The following GREB1L variants were observed in gnomAD, a reference collection of about 807,000 sequenced individuals.
The protein encoded by GREB1L is GREB1 like retinoic acid receptor coactivator, also known as GREB1-like protein.
A neutral mutation model predicts 200.8 loss-of-function variants in GREB1L; 17 were observed. The observed-to-expected ratio is 0.08, with a 90% CI of 0.06 to 0.13. The LOEUF is 0.13. GREB1L is among the 10% of genes least tolerant of loss of function. The pLI is 1.00. For missense variants in GREB1L, 1,657 were observed against 2,367.7 expected (o/e 0.70, Z 6.23); for synonymous variants, 789 against 893.0 (o/e 0.88, Z 2.08).
intron 7 of GREB1L, among the ~76,000 whole-genome samples, chr18:21,428,316 GTTTTTGTC>G (rs1369657822): frequency 1.4e-5 from 2 of 138,798 alleles, no homozygotes; most frequent in African/African-American, 2.6e-5. Context: ...TTTATTTTGG[GTTTTTGTC>G]TTTTTGTCTT....
In GREB1L at chr18:21,274,644, G is replaced by A. The variant is rs551744055; in HGVS notation, c.-120+32251G>A. 6.6e-5 allele frequency among the ~76,000 whole-genome samples: 10 copies of A among 152,082 alleles called. No individual in the cohort carries two copies. In the East Asian group the frequency reaches 1.9e-3, roughly 29 times the overall value. On this transcript the variant is annotated intron_variant, in intron 1 of 32. Coordinates refer to ENST00000424526, the MANE Select transcript of GREB1L (RefSeq NM_001142966.3). ...CACAATGACACATGCCTGTAATCCT[G>A]GCACTTTGAGAGGCTGAGGTGGGCA... is the stretch of plus-strand genomic sequence containing the variant.
chr18:21,262,935 C>CT (rs2037912147), intron 1 of GREB1L, among the ~76,000 whole-genome samples: 1 of 152,142 alleles, frequency 6.6e-6, no homozygotes, highest in Non-Finnish European at 1.5e-5. Flanking sequence ...TCAAGAATTG[C>CT]TTTATAGATC....
Position 21,384,311 on chromosome 18 carries a change from A to G in GREB1L, c.263A>G (p.Asp88Gly). The G allele has an allele frequency of 1.9e-6, 3 of 1,551,448 alleles. No homozygotes were observed. The highest frequency in any genetic ancestry group is 2.6e-6 in the Non-Finnish European group (3 of 1,146,612). The change falls in exon 4 of 33, where the codon GAT becomes GGT. Residue 88 changes from aspartate to glycine, a missense_variant. Coordinates refer to ENST00000424526, the MANE Select transcript of GREB1L (RefSeq NM_001142966.3). ...SNNLTVNEMEDDEDDEEMSDS... is the reference protein window; with the variant it reads ...SNNLTVNEMEGDEDDEEMSDS... ...AATCTAACAGTTAATGAAATGGAAGATGATGAAGACGATGAAGAAATGTCT... is the reference window on the plus strand; with the variant it reads ...AATCTAACAGTTAATGAAATGGAAGGTGATGAAGACGATGAAGAAATGTCT...
intron 1 of GREB1L, among the ~76,000 whole-genome samples, chr18:21,264,530 G>A (rs2037936913): frequency 2.6e-5 from 4 of 152,154 alleles, no homozygotes; most frequent in African/African-American, 9.7e-5. Flanking sequence ...TAATTAAACT[G>A]TAAAATAAGC....
chr18:21,249,484 T>C (rs1199466050), intron 1 of GREB1L, among the ~76,000 whole-genome samples: 4 of 152,190 alleles, frequency 2.6e-5, no homozygotes, highest in African/African-American at 9.7e-5. Flanking sequence ...CTTCAGTTGT[T>C]TTATCTTGGC....
At chr18:21,514,110 T>C in intron 28 of GREB1L, 124 bp downstream of exon 28, 1 of 843,236 alleles carries the variant, frequency 1.2e-6, no homozygotes, top group African/African-American at 1.7e-5. Context: ...CAGTCAACCA[T>C]GAGACCACCC....
intron 8 of GREB1L, 118 bp from the exon 9 acceptor site, chr18:21,440,151 C>A: frequency 9.3e-7 from 1 of 1,071,270 alleles, no homozygotes; most frequent in Non-Finnish European, 1.3e-6. Flanking sequence ...TTTAGACTTT[C>A]TGAGTATAAT....
At chr18:21,266,517 A>G (rs899856513) in intron 1 of GREB1L, among the ~76,000 whole-genome samples, 2 of 152,184 alleles carry the variant, frequency 1.3e-5, no homozygotes, top group Admixed American at 6.5e-5. Flanking sequence ...GCCAGAGACA[A>G]GTGGACATGC....
chr18:21,334,862 AG>A (rs1236391299), intron 1 of GREB1L, among the ~76,000 whole-genome samples: 1 of 152,176 alleles, frequency 6.6e-6, no homozygotes, highest in African/African-American at 2.4e-5. Flanking sequence ...TTAAAACTGG[AG>A]GTAATTCATC....
chr18:21,457,224 C>T (rs2145503986), intron 15 of GREB1L, among the ~76,000 whole-genome samples: 1 of 152,024 alleles, frequency 6.6e-6, no homozygotes, highest in South Asian at 2.1e-4. Context: ...AAGATTATCA[C>T]CTCTCAAAAA....
chr18:21,348,457 A>T (rs1351697159), intron 1 of GREB1L, among the ~76,000 whole-genome samples: 1 of 151,980 alleles, frequency 6.6e-6, no homozygotes, highest in African/African-American at 2.4e-5. Context: ...TGGGTAACAT[A>T]GTGAGACCCC....
At chr18:21,432,462 G>A (rs1340891716) in intron 7 of GREB1L, among the ~76,000 whole-genome samples, 2 of 151,080 alleles carry the variant, frequency 1.3e-5, no homozygotes, top group East Asian at 3.9e-4. Flanking sequence ...TTATATCTTT[G>A]GTCCATTTGA....
At chr18:21,498,539 G>C (rs985336649) in intron 21 of GREB1L, among the ~76,000 whole-genome samples, 6 of 152,216 alleles carry the variant, frequency 3.9e-5, no homozygotes, top group African/African-American at 1.4e-4. Context: ...AGCACAGCCT[G>C]TCTTCCTTCC....
At chr18:21,421,769 G>A (rs1249999121) in intron 7 of GREB1L, among the ~76,000 whole-genome samples, 2 of 152,152 alleles carry the variant, frequency 1.3e-5, no homozygotes, top group East Asian at 1.9e-4. Flanking sequence ...AAGAGGTAAC[G>A]AGTGGCAAAA....
chr18:21,506,077 A>G, intron 25 of GREB1L, 128 bp downstream of exon 25: 1 of 993,676 alleles, frequency 1.0e-6, no homozygotes, highest in Non-Finnish European at 1.4e-6. Flanking sequence ...TTTACTCATA[A>G]GAAGGAGCCA....
rs2037629522 is a variant in GREB1L at position 21,522,993 on chromosome 18, C to G, written c.*172C>G. ...CTGATCCAGGTCTTTGGGGACATCA[C>G]TTTCCTTCAGTTCCAATTACAGGAC... On this transcript the variant is annotated 3_prime_UTR_variant, in exon 33 of 33. Transcript: ENST00000424526. The G allele has an allele frequency of 3.4e-6, 2 of 582,146 alleles. No homozygotes were observed. Among genetic ancestry groups the G allele is most frequent in the South Asian group, 2.7e-5 (1 of 36,460 alleles). 36.1% of individuals were successfully genotyped at this position (582,146 alleles called of 1,614,324 possible). A position where few individuals can be genotyped will look rare whatever the true frequency, so the allele number is the denominator to read the frequency against.
intron 1 of GREB1L, among the ~76,000 whole-genome samples, chr18:21,260,555 C>A (rs1335636209): frequency 6.6e-6 from 1 of 151,994 alleles, no homozygotes; most frequent in East Asian, 1.9e-4. Context: ...AGAGACTTAA[C>A]ATGCAAAGGA....
intron 1 of GREB1L, among the ~76,000 whole-genome samples, chr18:21,321,711 T>C (rs949254423): frequency 3.3e-5 from 5 of 151,916 alleles, no homozygotes; most frequent in African/African-American, 1.2e-4. Flanking sequence ...ACAAAAAAAA[T>C]GCTATGCCAT....
chr18:21,349,630 G>T (rs772707209), intron 1 of GREB1L, among the ~76,000 whole-genome samples: 1 of 151,988 alleles, frequency 6.6e-6, no homozygotes, highest in Non-Finnish European at 1.5e-5. Flanking sequence ...ATTCTCGTAG[G>T]CTCCCAAAAC....
Sources: allele counts gnomAD v4.1 joint callset (sites outside exome capture counted in the v4.1 genomes callset), GRCh38; gene constraint gnomAD v4.1.1; transcripts MANE v1.5; gene names NCBI Gene and HGNC (gene_info 2026-07-23, HGNC 2026-07-21).